LRRC7: variants seen among roughly 807,000 people sequenced by gnomAD.
LRRC7 encodes the protein leucine-rich repeat-containing protein 7.
A neutral mutation model predicts 175.7 loss-of-function variants in LRRC7; 23 were observed. That is an observed-to-expected ratio of 0.13 (90% CI 0.09 to 0.19). LRRC7 has a LOEUF of 0.19. Ranked by LOEUF, LRRC7 falls within the 10% of genes least tolerant of loss-of-function variation. LRRC7 has a pLI of 1.00. For synonymous variants in LRRC7, 685 were observed against 680.9 expected (o/e 1.01, Z -0.09); for missense variants, 1,354 against 1,904.7 (o/e 0.71, Z 5.38).
intron 1 of LRRC7, among the ~76,000 whole-genome samples, chr1:69,595,051 C>T (rs899350661): frequency 1.3e-5 from 2 of 151,168 alleles, no homozygotes; most frequent in African/African-American, 4.9e-5. Context: ...CAGGCAACTT[C>T]TTTAAACATT....
At chr1:70,014,299 A>G (rs1197841220) in intron 13 of LRRC7, among the ~76,000 whole-genome samples, 1 of 152,052 alleles carries the variant, frequency 6.6e-6, no homozygotes, top group East Asian at 1.9e-4. Flanking sequence ...TACTTAGCAA[A>G]TATTATCAAT....
intron 7 of LRRC7, among the ~76,000 whole-genome samples, chr1:69,839,314 C>T (rs1042159328): frequency 9.9e-5 from 15 of 151,930 alleles, no homozygotes; most frequent in Admixed American, 5.9e-4. Context: ...TGAATATATA[C>T]ATAAAGATAA....
intron 7 of LRRC7, among the ~76,000 whole-genome samples, chr1:69,928,515 G>T (rs910245088): frequency 6.6e-6 from 1 of 152,198 alleles, no homozygotes; most frequent in African/African-American, 2.4e-5. Flanking sequence ...GCAATGGTGG[G>T]CGCCCCTCCC....
chr1:69,691,123 A>T (rs966282005), intron 2 of LRRC7, among the ~76,000 whole-genome samples: 30 of 152,138 alleles, frequency 2.0e-4, no homozygotes, highest in Non-Finnish European at 2.9e-4. Context: ...TAGGCCCCAA[A>T]CAACCATGGG....
chr1:69,903,029 C>T (rs1300289116), intron 7 of LRRC7, among the ~76,000 whole-genome samples: 1 of 152,194 alleles, frequency 6.6e-6, no homozygotes, highest in Non-Finnish European at 1.5e-5. Context: ...TATTTCGCAA[C>T]TTCCAAATGC....
At chr1:69,863,597 A>G (rs1032486602) in intron 7 of LRRC7, among the ~76,000 whole-genome samples, 3 of 152,216 alleles carry the variant, frequency 2.0e-5, no homozygotes, top group African/African-American at 7.2e-5. Context: ...AGTAAACCCT[A>G]TCTTTGTCCT....
At chr1:70,083,357 A>G (rs1663365956) in intron 24 of LRRC7, among the ~76,000 whole-genome samples, 1 of 152,226 alleles carries the variant, frequency 6.6e-6, no homozygotes, top group African/African-American at 2.4e-5. Flanking sequence ...ATGAAAAATT[A>G]TAATAGCTTA....
At chr1:69,570,969 TTTC>T (rs1214461674) in intron 1 of LRRC7, among the ~76,000 whole-genome samples, 3 of 152,182 alleles carry the variant, frequency 2.0e-5, no homozygotes, top group Non-Finnish European at 2.9e-5. Flanking sequence ...GACTTGGAGA[TTTC>T]TTATTTCATT....
At chr1:70,015,136 T>C (rs892827615) in intron 13 of LRRC7, among the ~76,000 whole-genome samples, 1 of 152,114 alleles carries the variant, frequency 6.6e-6, no homozygotes, top group Non-Finnish European at 1.5e-5. Flanking sequence ...CTTAAAGTTA[T>C]AAATGTTACT....
At chr1:69,968,404 C>T (rs1651877313) in intron 8 of LRRC7, among the ~76,000 whole-genome samples, 1 of 152,104 alleles carries the variant, frequency 6.6e-6, no homozygotes, top group South Asian at 2.1e-4. Flanking sequence ...GAAAACTTCC[C>T]CAGCCTTGCT....
At chr1:69,839,363 G>A (rs1316794450) in intron 7 of LRRC7, among the ~76,000 whole-genome samples, 2 of 152,078 alleles carry the variant, frequency 1.3e-5, no homozygotes, top group African/African-American at 4.8e-5. Flanking sequence ...GACAAGGAGA[G>A]AGCATAGAAA....
intron 8 of LRRC7, among the ~76,000 whole-genome samples, chr1:69,976,729 G>A (rs183235139): frequency 6.8e-4 from 103 of 152,136 alleles, no homozygotes; most frequent in Non-Finnish European, 1.3e-3. Flanking sequence ...ACTTCTGGAC[G>A]CCATTCCTTC....
rs763367842 is a variant in LRRC7 at position 70,142,188 on chromosome 1, T to C, written c.*20301T>C. 3 of 152,168 alleles carry C rather than the reference T, an allele frequency of 2.0e-5. No homozygotes were observed. The highest frequency in any genetic ancestry group is 4.8e-5 in the African/African-American group (2 of 41,466). 9.4% of individuals were successfully genotyped at this position (152,168 alleles called of 1,614,324 possible). A position where few individuals can be genotyped will look rare whatever the true frequency, so the allele number is the denominator to read the frequency against. The stretch of plus-strand genomic sequence containing the variant: ...TTGTTGAAATAATTTTTATTTTCAA[T>C]ACTTGTAGTCTTTCCACTCAGAGGA... On this transcript the variant is annotated 3_prime_UTR_variant, in exon 27 of 27. Transcript: ENST00000651989.
chr1:70,134,410 C>A lies in LRRC7; in HGVS notation c.*12523C>A, dbSNP rs1372366518. Among the ~76,000 whole-genome samples, 1 of 152,182 alleles carries A rather than the reference C, an allele frequency of 6.6e-6. No homozygotes were observed. Among genetic ancestry groups the A allele is most frequent in the East Asian group, 1.9e-4 (1 of 5,194 alleles). The stretch of plus-strand genomic sequence containing the variant: ...AATGTTTTTGTTTACTTCCTCTAAG[C>A]TAATTATATCCTCACCCTCACAGCT... On this transcript the variant is annotated 3_prime_UTR_variant, in exon 27 of 27. Transcript: ENST00000651989.
At chr1:69,745,061 C>A (rs1264339) in intron 2 of LRRC7, among the ~76,000 whole-genome samples, 1,966 of 151,858 alleles carry the variant, frequency 0.013, 44 homozygotes, top group African/African-American at 0.045. Flanking sequence ...TGAGAATTAA[C>A]CTAATTATCA....
intron 7 of LRRC7, among the ~76,000 whole-genome samples, chr1:69,924,785 C>T (rs1461799911): frequency 5.9e-5 from 9 of 152,156 alleles, no homozygotes; most frequent in Non-Finnish European, 1.2e-4. Context: ...ATTGGATACC[C>T]TTTATTTCTT....
intron 7 of LRRC7, among the ~76,000 whole-genome samples, chr1:69,887,163 C>A (rs1645660955): frequency 8.1e-6 from 1 of 123,628 alleles, no homozygotes; most frequent in African/African-American, 3.3e-5. Flanking sequence ...GAACGTTGGC[C>A]TGCCTTGCTA....
intron 26 of LRRC7, among the ~76,000 whole-genome samples, chr1:70,113,808 A>G (rs189539511): frequency 6.6e-6 from 1 of 152,240 alleles, no homozygotes; most frequent in African/African-American, 2.4e-5. Flanking sequence ...TTTACACTGT[A>G]CTAAACAGGC....
chr1:69,849,160 G>A (rs1367697685), intron 7 of LRRC7, among the ~76,000 whole-genome samples: 1 of 151,838 alleles, frequency 6.6e-6, no homozygotes, highest in Non-Finnish European at 1.5e-5. Context: ...AGCAAGATTA[G>A]AAATAAAATT....
Sources: gnomAD v4.1 joint callset for allele counts (sites outside exome capture counted in the v4.1 genomes callset) on GRCh38, gnomAD v4.1.1 for gene constraint, MANE v1.5 for transcripts, NCBI Gene and HGNC (gene_info 2026-07-23, HGNC 2026-07-21) for gene names.